Variants in RP1 observed in about 807,000 individuals in gnomAD.
RP1 encodes the protein oxygen-regulated protein 1.
RP1 carries 16 observed loss-of-function variants against 14.8 expected under a neutral mutation model. The ratio of observed to expected loss-of-function variants is 1.08; its 90% CI spans 0.73 to 1.65. The LOEUF is 1.65. RP1 is among the 40% of genes most tolerant of loss of function. RP1 has a pLI of 0.00. For synonymous variants in RP1, 876 were observed against 883.6 expected (o/e 0.99, Z 0.15); for missense variants, 2,631 against 2,535.0 (o/e 1.04, Z -0.81).
intron 24 of RP1, among the ~76,000 whole-genome samples, chr8:54,796,602 G>A (rs1810582160): frequency 6.6e-6 from 1 of 152,124 alleles, no homozygotes; most frequent in Admixed American, 6.6e-5. Flanking sequence ...AGTGACAGAG[G>A]CAGAGATTAG....
chr8:54,613,674 G>A (rs1273654474), upstream of RP1, among the ~76,000 whole-genome samples: 1 of 152,118 alleles, frequency 6.6e-6, no homozygotes, highest in Non-Finnish European at 1.5e-5. Context: ...GTTCAAGAAA[G>A]GTTTCTGAGA....
chr8:54,698,573 A>G (rs1229276138), intron 12 of RP1, among the ~76,000 whole-genome samples: 1 of 152,236 alleles, frequency 6.6e-6, no homozygotes, highest in Non-Finnish European at 1.5e-5. Flanking sequence ...ATTCTGCTAT[A>G]AAGACACATG....
chr8:54,624,657 A>G lies in RP1; in HGVS notation c.788-13A>G, dbSNP rs1166731853. 1 of 1,613,214 alleles carries G rather than the reference A, an allele frequency of 6.2e-7. No homozygotes were observed. Among genetic ancestry groups the G allele is most frequent in the Non-Finnish European group, 8.5e-7 (1 of 1,179,690 alleles). ...TTTGATGTGGGCACCTTTTACTCTT[A>G]AAATCTTTAAAGTAAGCACACATAT... On this transcript the variant is annotated splice_polypyrimidine_tract_variant and intron_variant, in intron 3 of 3. Coordinates refer to ENST00000220676, the MANE Select transcript of RP1 (RefSeq NM_006269.2).
At chr8:54,672,640 G>T (rs572121790) in intron 7 of RP1, among the ~76,000 whole-genome samples, 1 of 152,172 alleles carries the variant, frequency 6.6e-6, no homozygotes, top group African/African-American at 2.4e-5. Context: ...TATGTATATT[G>T]TTAAATGTGG....
intron 16 of RP1, among the ~76,000 whole-genome samples, chr8:54,720,560 C>T (rs1413149124): frequency 6.6e-6 from 1 of 152,062 alleles, no homozygotes; most frequent in Non-Finnish European, 1.5e-5. Flanking sequence ...TGTGTGCATT[C>T]GTGTGTCTGT....
chr8:54,624,954 C>G lies in RP1; in HGVS notation c.1072C>G (p.Pro358Ala). 2 of 1,614,064 alleles carry G rather than the reference C, an allele frequency of 1.2e-6. No individual in the cohort carries two copies. Among genetic ancestry groups the G allele is most frequent in the Non-Finnish European group, 1.7e-6 (2 of 1,180,020 alleles). ...GACAACTACTGTCAGTAAAACTGGT[C>G]CTTCTAATAATGATGAAAAGAGTGA... Reference protein sequence around the residue: ...KWTTTVSKTGPSNNDEKSEMS... With the variant: ...KWTTTVSKTGASNNDEKSEMS... Residue 358 changes from proline (P) to alanine (A), a missense_variant, in exon 4 of 4, where the codon CCT (proline) becomes GCT (alanine). By Grantham distance (27) the Pro-to-Ala change is conservative (BLOSUM62 -1). Transcript: ENST00000220676.
chr8:54,793,992 A>C (rs1337994948), intron 24 of RP1, among the ~76,000 whole-genome samples: 1 of 151,982 alleles, frequency 6.6e-6, no homozygotes, highest in Non-Finnish European at 1.5e-5. Flanking sequence ...ATCAACATTT[A>C]AAAAATCTGT....
chr8:54,719,031 G>GA (rs1401406782), intron 15 of RP1, among the ~76,000 whole-genome samples: 1 of 152,132 alleles, frequency 6.6e-6, no homozygotes, highest in African/African-American at 2.4e-5. Flanking sequence ...AAACAACACA[G>GA]ATGGTCTATG....
downstream of RP1, among the ~76,000 whole-genome samples, chr8:54,633,737 C>CTCTATA (rs1236298691): frequency 0.016 from 1,957 of 118,708 alleles, 25 homozygotes; most frequent in East Asian, 0.027. Context: ...CTCTCTCTCT[C>CTCTATA]TATATATATA....
At chr8:54,689,828 G>T (rs1305552349) in intron 12 of RP1, among the ~76,000 whole-genome samples, 2 of 151,880 alleles carry the variant, frequency 1.3e-5, no homozygotes, top group African/African-American at 4.8e-5. Flanking sequence ...TCTCAGTGGT[G>T]CCCTAATGAC....
At chr8:54,678,353 A>T in intron 8 of RP1, 1 of 879,366 alleles carries the variant, frequency 1.1e-6, no homozygotes, top group Non-Finnish European at 1.7e-6. Flanking sequence ...TTTATATTGT[A>T]CAAGACCTTT....
chr8:54,702,523 G>A (rs1191953981), intron 14 of RP1, among the ~76,000 whole-genome samples: 1 of 152,116 alleles, frequency 6.6e-6, no homozygotes, highest in Non-Finnish European at 1.5e-5. Context: ...GATCATCTGA[G>A]CCTTCAGCAA....
rs779743550 is a variant in RP1 at position 54,624,915 on chromosome 8, G to A, written c.1033G>A (p.Glu345Lys). 1.3e-5 allele frequency: 21 copies of A among 1,614,080 alleles called. No individual in the cohort carries two copies. The highest frequency in any genetic ancestry group is 1.7e-5 in the Non-Finnish European group (20 of 1,180,016). Residue 345 changes from glutamate (E) to lysine (K), a missense_variant, in exon 4 of 4, where the codon GAA becomes AAA. Transcript: ENST00000220676. ...AGTTCGATTCAGAATAAAAGAGGAAGAAACCATAAAATGGACAACTACTGT... is the reference window on the plus strand; with the variant it reads ...AGTTCGATTCAGAATAAAAGAGGAAAAAACCATAAAATGGACAACTACTGT... ...MKVRFRIKEE[E>K]TIKWTTTVSK... is the part of the protein sequence containing the mutation.
chr8:54,829,536 A>T (rs994367889), intron 24 of RP1, among the ~76,000 whole-genome samples: 2 of 152,210 alleles, frequency 1.3e-5, no homozygotes, highest in African/African-American at 2.4e-5. Flanking sequence ...CATGGAGAGA[A>T]CATCTGACTT....
chr8:54,743,798 G>A (rs1809156254), intron 19 of RP1, among the ~76,000 whole-genome samples: 1 of 152,060 alleles, frequency 6.6e-6, no homozygotes, highest in African/African-American at 2.4e-5. Flanking sequence ...CAGTATTTAC[G>A]TGAGCAATTC....
chr8:54,601,989 A>T (rs114929541), intron 1 of RP1, among the ~76,000 whole-genome samples: 4,690 of 152,268 alleles, frequency 0.031, 232 homozygotes, highest in African/African-American at 0.11. Flanking sequence ...AACTTAGATC[A>T]TTGTAATCTT....
intron 12 of RP1, among the ~76,000 whole-genome samples, chr8:54,686,254 C>T (rs1807560615): frequency 6.6e-6 from 1 of 152,140 alleles, no homozygotes; most frequent in Non-Finnish European, 1.5e-5. Context: ...CATAAATTCA[C>T]ACTAACGAAT....
chr8:54,748,007 C>A (rs568417706), intron 19 of RP1, among the ~76,000 whole-genome samples: 1 of 152,316 alleles, frequency 6.6e-6, no homozygotes, highest in East Asian at 1.9e-4. Flanking sequence ...AATAGGAATT[C>A]TCTTGAAGCT....
downstream of RP1, among the ~76,000 whole-genome samples, chr8:54,633,888 G>A (rs1008148941): frequency 6.6e-6 from 1 of 151,908 alleles, no homozygotes; most frequent in Non-Finnish European, 1.5e-5. Flanking sequence ...TAGTCCTCAC[G>A]AGAACCCTCT....
Sources: allele counts gnomAD v4.1 joint callset (sites outside exome capture counted in the v4.1 genomes callset), GRCh38; gene constraint gnomAD v4.1.1; transcripts MANE v1.5; gene names NCBI Gene and HGNC (gene_info 2026-07-23, HGNC 2026-07-21).